STXBP4: variants seen among roughly 807,000 people sequenced by gnomAD.
The protein encoded by STXBP4 is syntaxin-binding protein 4.
A neutral mutation model predicts 76.1 loss-of-function variants in STXBP4; 55 were observed. That is an observed-to-expected ratio of 0.72 (90% confidence interval 0.58 to 0.91). The LOEUF is 0.91. Among genes scored for constraint, STXBP4 ranks in the 40% least tolerant of loss-of-function variants. The pLI is 0.00. For missense variants in STXBP4, 618 were observed against 636.9 expected, an observed-to-expected ratio of 0.97 and a Z score of 0.32; for synonymous variants, 201 against 220.2, an observed-to-expected ratio of 0.91 and a Z score of 0.77.
intron 16 of STXBP4, among the ~76,000 whole-genome samples, chr17:55,106,451 C>A (rs2079636242): frequency 6.6e-6 from 1 of 151,998 alleles, no homozygotes; most frequent in African/African-American, 2.4e-5. Flanking sequence ...GGGCATTTAG[C>A]CTGTTTACAT....
At position 55,091,265 on chromosome 17, in the gene STXBP4, G is replaced by A. The variant is rs1350885859; in HGVS notation, c.1489+10082G>A. On this transcript the variant is annotated intron_variant, in intron 16 of 17. Coordinates refer to ENST00000376352, the MANE Select transcript of STXBP4 (RefSeq NM_178509.6). Reference sequence around the variant, plus strand: ...ATCCGTTTTGCAGTATATATCAAGAGCTTTTTAAATATCCATTTGGAAGGT... The same window carrying A: ...ATCCGTTTTGCAGTATATATCAAGAACTTTTTAAATATCCATTTGGAAGGT... 3.9e-5 allele frequency among the ~76,000 whole-genome samples: 6 copies of A among 152,018 alleles called. No homozygotes were observed. In the East Asian group the frequency reaches 1.2e-3, roughly 29 times the overall value.
At chr17:55,153,987 T>C (rs1051158106) in intron 17 of STXBP4, among the ~76,000 whole-genome samples, 1 of 152,198 alleles carries the variant, frequency 6.6e-6, no homozygotes, top group Non-Finnish European at 1.5e-5. Flanking sequence ...TGAAATATTC[T>C]CGTCTTGCTT....
At chr17:55,023,229 AT>A (rs2078346211) in intron 8 of STXBP4, among the ~76,000 whole-genome samples, 1 of 152,214 alleles carries the variant, frequency 6.6e-6, no homozygotes, top group African/African-American at 2.4e-5. Context: ...TTCTGGCAAC[AT>A]TGTATAATCC....
intron 10 of STXBP4, among the ~76,000 whole-genome samples, chr17:55,041,923 A>G (rs994800525): frequency 1.3e-5 from 2 of 152,182 alleles, no homozygotes; most frequent in East Asian, 1.9e-4. Flanking sequence ...ACATTTTAAA[A>G]TGTGTTCAAA....
chr17:55,086,970 T>C (rs560497212), intron 16 of STXBP4, among the ~76,000 whole-genome samples: 41 of 152,306 alleles, frequency 2.7e-4, no homozygotes, highest in African/African-American at 9.4e-4. Flanking sequence ...TAGGGTGAGA[T>C]GGTAACTCAT....
chr17:55,188,369 T>C, the STXBP4 span, among the ~76,000 whole-genome samples: 1 of 152,146 alleles, frequency 6.6e-6, no homozygotes, highest in Non-Finnish European at 1.5e-5. Flanking sequence ...GAATAAGTCA[T>C]ATGGAGAGCC....
chr17:55,047,836 A>G (rs748948299), intron 12 of STXBP4, among the ~76,000 whole-genome samples: 1 of 151,926 alleles, frequency 6.6e-6, no homozygotes, highest in Non-Finnish European at 1.5e-5. Flanking sequence ...TGACAAAAAA[A>G]CACCACAGCC....
rs1726157922 is a variant in STXBP4, at chr17:55,168,093, G to A, written c.*8182G>A. 7.2e-6 allele frequency: 1 copy of A among 139,652 alleles called. No individual in the cohort carries two copies. The highest frequency in any genetic ancestry group is 2.7e-5 in the African/African-American group (1 of 36,592). 8.7% of individuals were successfully genotyped at this position (139,652 alleles called of 1,614,324 possible). A position where few individuals can be genotyped will look rare whatever the true frequency, so the allele number is the denominator to read the frequency against. ...GATTACCACACAAAAATAAGAAGTTGGCACCAAATTAAATGCATGGATTAC... is the reference window on the plus strand; with the variant it reads ...GATTACCACACAAAAATAAGAAGTTAGCACCAAATTAAATGCATGGATTAC... On this transcript the variant is annotated 3_prime_UTR_variant, in exon 18 of 18. Transcript: ENST00000376352.
chr17:55,176,995 C>A (rs568098257), downstream of STXBP4, among the ~76,000 whole-genome samples: 2 of 152,260 alleles, frequency 1.3e-5, no homozygotes, highest in Admixed American at 6.5e-5. Flanking sequence ...CATTGGCCCC[C>A]ACCAGTTCTC....
chr17:55,118,523 G>A (rs1383345693), intron 16 of STXBP4, among the ~76,000 whole-genome samples: 4 of 151,916 alleles, frequency 2.6e-5, no homozygotes, highest in African/African-American at 9.7e-5. Flanking sequence ...AGATGTTATT[G>A]GCAAGTTGTC....
chr17:55,054,520 G>A (rs2078901244), intron 12 of STXBP4, among the ~76,000 whole-genome samples: 1 of 152,020 alleles, frequency 6.6e-6, no homozygotes, highest in African/African-American at 2.4e-5. Context: ...CAGTGAATTG[G>A]CCTAAGGATA....
chr17:55,138,612 G>A (rs1464349910), intron 16 of STXBP4, among the ~76,000 whole-genome samples: 1 of 151,930 alleles, frequency 6.6e-6, no homozygotes, highest in Non-Finnish European at 1.5e-5. Flanking sequence ...TTGTCATAAC[G>A]TTTTTAAAAC....
intron 3 of STXBP4, among the ~76,000 whole-genome samples, chr17:54,990,002 AAGT>A (rs1222176665): frequency 6.6e-6 from 1 of 152,234 alleles, no homozygotes; most frequent in East Asian, 1.9e-4. Context: ...GGAATTCTTC[AAGT>A]AGTCTAATAA....
At chr17:55,189,663 T>C in the STXBP4 span, among the ~76,000 whole-genome samples, 1 of 152,186 alleles carries the variant, frequency 6.6e-6, no homozygotes, top group Non-Finnish European at 1.5e-5. Context: ...CCTATACAAG[T>C]AATTAAATTT....
At chr17:55,155,861 TA>T (rs531593509) in intron 17 of STXBP4, among the ~76,000 whole-genome samples, 1 of 152,170 alleles carries the variant, frequency 6.6e-6, no homozygotes, top group Non-Finnish European at 1.5e-5. Flanking sequence ...ATGCCAATAA[TA>T]TAAAGCATGT....
At chr17:55,108,657 G>C (rs1248387247) in intron 16 of STXBP4, among the ~76,000 whole-genome samples, 1 of 152,180 alleles carries the variant, frequency 6.6e-6, no homozygotes, top group Non-Finnish European at 1.5e-5. Context: ...CTTGGATAGG[G>C]GAGGGAGTTC....
intron 8 of STXBP4, among the ~76,000 whole-genome samples, chr17:55,010,379 A>G (rs2078087470): frequency 6.6e-6 from 1 of 152,040 alleles, no homozygotes; most frequent in Non-Finnish European, 1.5e-5. Context: ...TGAACTAGTT[A>G]TTTCTTAATT....
intron 17 of STXBP4, among the ~76,000 whole-genome samples, chr17:55,156,427 T>C (rs2080277841): frequency 6.6e-6 from 1 of 152,194 alleles, no homozygotes; most frequent in Non-Finnish European, 1.5e-5. Context: ...TTGAATGGTA[T>C]ACACACAAAT....
chr17:55,046,087 C>T (rs1275199491), intron 11 of STXBP4, among the ~76,000 whole-genome samples: 4 of 151,874 alleles, frequency 2.6e-5, no homozygotes, highest in African/African-American at 9.7e-5. Context: ...GTGCTGTGGG[C>T]TTTATTTAAG....
Sources: gnomAD v4.1 joint callset for allele counts (sites outside exome capture counted in the v4.1 genomes callset) on GRCh38, gnomAD v4.1.1 for gene constraint, MANE v1.5 for transcripts, NCBI Gene and HGNC (gene_info 2026-07-23, HGNC 2026-07-21) for gene names.